SH3KBP1: variants seen among roughly 807,000 people sequenced by gnomAD.
SH3KBP1 encodes SH3 domain containing kinase binding protein 1, also known as SH3 domain-containing kinase-binding protein 1.
In SH3KBP1, 8 loss-of-function variants were observed where a neutral mutation model predicts 50.1. The observed-to-expected ratio is 0.16, with a 90% CI of 0.09 to 0.29. SH3KBP1 has a LOEUF of 0.29. SH3KBP1 is among the 10% of genes least tolerant of loss of function. The pLI, the probability that SH3KBP1 is intolerant of heterozygous loss-of-function variation, is 1.00. For synonymous variants in SH3KBP1, 227 were observed against 218.6 expected (o/e 1.04, Z -0.34); for missense variants, 377 against 535.2 (o/e 0.70, Z 2.92).
chrX:19,838,085 AC>A (rs1226158505), intron 1 of SH3KBP1, among the ~76,000 whole-genome samples: 2 of 108,247 alleles, frequency 1.8e-5, no homozygotes, highest in African/African-American at 3.7e-5. Flanking sequence ...AACAACAACA[AC>A]AACAACAACA....
chrX:19,726,809 C>G (rs1603125205), intron 3 of SH3KBP1, among the ~76,000 whole-genome samples: 1 of 112,010 alleles, frequency 8.9e-6, no homozygotes, highest in African/African-American at 3.3e-5. Context: ...CATCAGAGCC[C>G]AAAGGGTAAA....
At chrX:19,599,474 T>C (rs751213593) in intron 9 of SH3KBP1, among the ~76,000 whole-genome samples, 1 of 111,682 alleles carries the variant, frequency 9.0e-6, no homozygotes, top group Non-Finnish European at 1.9e-5. Context: ...GAGACAGAAG[T>C]GTGAAGTTTT....
intron 1 of SH3KBP1, among the ~76,000 whole-genome samples, chrX:19,869,801 A>C (rs766022916): frequency 1.8e-5 from 2 of 112,686 alleles, no homozygotes; most frequent in East Asian, 5.5e-4. Context: ...TATCTTCTTC[A>C]TTCATTAGTT....
intron 3 of SH3KBP1, among the ~76,000 whole-genome samples, chrX:19,736,938 G>A (rs1307504704): frequency 3.2e-5 from 3 of 94,917 alleles, no homozygotes; most frequent in Non-Finnish European, 6.2e-5. Context: ...ACGGGTTCTC[G>A]CTCTGTCACC....
chrX:19,798,556 A>G (rs1385959692), intron 2 of SH3KBP1, among the ~76,000 whole-genome samples: 1 of 111,608 alleles, frequency 9.0e-6, no homozygotes, highest in Admixed American at 9.5e-5. Flanking sequence ...CTTTAACTTA[A>G]ACGTTAGCTA....
At chrX:19,886,306 A>T (rs1475261976) in intron 1 of SH3KBP1, among the ~76,000 whole-genome samples, 1 of 112,096 alleles carries the variant, frequency 8.9e-6, no homozygotes, top group Non-Finnish European at 1.9e-5. Context: ...GTCTCACTTT[A>T]TTATGATTTA....
chrX:19,546,988 C>T (rs138410214), intron 14 of SH3KBP1, among the ~76,000 whole-genome samples: 1 of 110,281 alleles, frequency 9.1e-6, no homozygotes, highest in South Asian at 3.9e-4. Flanking sequence ...TCTATCTCTA[C>T]GAAAAATACA....
chrX:19,596,116 C>A (rs1312082417), intron 9 of SH3KBP1, among the ~76,000 whole-genome samples: 1 of 111,223 alleles, frequency 9.0e-6, no homozygotes, highest in African/African-American at 3.3e-5. Flanking sequence ...ATCCTGGGGA[C>A]AGATGTGTGT....
chrX:19,802,171 T>C (rs529931727), intron 2 of SH3KBP1, among the ~76,000 whole-genome samples: 236 of 110,098 alleles, frequency 2.1e-3, no homozygotes, highest in Non-Finnish European at 3.5e-3. Context: ...GGTGGGCGGA[T>C]CACTTGAGGC....
At position 19,683,814 on chromosome X, in the gene SH3KBP1, CG is replaced by C; in HGVS notation, c.726+8del. The C allele has an allele frequency of 8.3e-7, 1 of 1,198,703 alleles. No homozygotes were observed. The highest frequency in any genetic ancestry group is 1.1e-6 in the Non-Finnish European group (1 of 883,516). ...TAAGTTGAAATCAAATAGAAACTGT[CG>C]AACATACCTTTTCTACCGGCAGAAA... On this transcript the variant is annotated splice_region_variant and intron_variant, in intron 6 of 17. Transcript: ENST00000397821.
In SH3KBP1 at chrX:19,536,369, G is replaced by T. The variant is rs1392441103; in HGVS notation, c.*48C>A. The T allele has an allele frequency of 1.2e-5, 11 of 895,040 alleles. No individual in the cohort carries two copies. Among genetic ancestry groups the T allele is most frequent in the East Asian group, 9.8e-5 (3 of 30,583 alleles). The allele number at this position is 895,040 out of a possible 1,213,427, so 73.8% of individuals were successfully genotyped here. A position where few individuals can be genotyped will look rare whatever the true frequency, so the allele number is the denominator to read the frequency against. On this transcript the variant is annotated 3_prime_UTR_variant, in exon 18 of 18. Transcript: ENST00000397821. Reference sequence around the variant, plus strand: ...TTATTTTGGCTGGGGCAGAAAATTTGAGTCTCGGACTCAGGATGAATAATG... The same window carrying T: ...TTATTTTGGCTGGGGCAGAAAATTTTAGTCTCGGACTCAGGATGAATAATG...
chrX:19,791,912 C>T (rs1184908564), intron 2 of SH3KBP1, among the ~76,000 whole-genome samples: 2 of 111,607 alleles, frequency 1.8e-5, no homozygotes, highest in Non-Finnish European at 3.8e-5. Context: ...CAATACATTT[C>T]CGTAATTTTG....
At chrX:19,661,868 C>A (rs1485546523) in intron 6 of SH3KBP1, among the ~76,000 whole-genome samples, 1 of 111,096 alleles carries the variant, frequency 9.0e-6, no homozygotes, top group African/African-American at 3.3e-5. Context: ...CTCAGGTGAT[C>A]GACCTGCCTT....
intron 5 of SH3KBP1, 35 bp downstream of exon 5, chrX:19,695,577 G>A (rs778506433): frequency 1.0e-5 from 12 of 1,199,983 alleles, no homozygotes; most frequent in African/African-American, 7.1e-5. Flanking sequence ...CCGGTCCCCC[G>A]CCCCTCTCCT....
chrX:19,602,858 C>T (rs996874336), intron 9 of SH3KBP1, among the ~76,000 whole-genome samples: 4 of 111,582 alleles, frequency 3.6e-5, no homozygotes, highest in Admixed American at 9.5e-5. Context: ...GGGCCTCCTA[C>T]GAATTTGGTA....
intron 13 of SH3KBP1, among the ~76,000 whole-genome samples, chrX:19,565,051 ATTTTTT>A (rs59323105): frequency 4.5e-5 from 3 of 66,520 alleles, no homozygotes; most frequent in Middle Eastern, 8.5e-3. Flanking sequence ...TTCAACTCCA[ATTTTTT>A]TTTTTTTTTT....
At chrX:19,563,742 G>A (rs1490405103) in intron 13 of SH3KBP1, among the ~76,000 whole-genome samples, 1 of 112,105 alleles carries the variant, frequency 8.9e-6, no homozygotes, top group Non-Finnish European at 1.9e-5. Flanking sequence ...CTGTAGACCA[G>A]TAGCAACCGT....
intron 3 of SH3KBP1, among the ~76,000 whole-genome samples, chrX:19,727,849 T>C (rs984250996): frequency 1.8e-5 from 2 of 111,263 alleles, no homozygotes; most frequent in Non-Finnish European, 3.8e-5. Flanking sequence ...CTGGGCGCGG[T>C]GGAACGTGAC....
intron 13 of SH3KBP1, among the ~76,000 whole-genome samples, chrX:19,564,799 T>C (rs2065789040): frequency 9.0e-6 from 1 of 111,249 alleles, no homozygotes; most frequent in African/African-American, 3.3e-5. Flanking sequence ...GCCTCGGTGC[T>C]ATTGACATTT....
Sources: gnomAD v4.1 joint callset for allele counts (sites outside exome capture counted in the v4.1 genomes callset) on GRCh38, gnomAD v4.1.1 for gene constraint, MANE v1.5 for transcripts, NCBI Gene and HGNC (gene_info 2026-07-23, HGNC 2026-07-21) for gene names.